Variants in ACYP2 observed in about 807,000 individuals in gnomAD.
ACYP2 encodes the protein acylphosphatase 2, also known as acylphosphatase-2.
In ACYP2, 12 loss-of-function variants were observed where a neutral mutation model predicts 11.2. The observed-to-expected ratio is 1.08, with a 90% confidence interval of 0.69 to 1.74. The LOEUF is 1.74. Among genes scored for constraint, ACYP2 ranks in the 40% most tolerant of loss-of-function variants. The pLI is 0.00. For missense variants in ACYP2, 134 were observed against 101.9 expected (o/e 1.31, Z -1.35); for synonymous variants, 43 against 32.2 (o/e 1.33, Z -1.13).
chr2:53,982,872 G>GTGTA lies in ACYP2; in HGVS notation c.62+9064_62+9065insTATG, dbSNP rs1250430076. 1.8e-3 allele frequency among the ~76,000 whole-genome samples: 256 copies of GTGTA among 143,754 alleles called. 2 individuals carry two copies. Among genetic ancestry groups the GTGTA allele is most frequent in the African/African-American group, 4.9e-3 (193 of 39,008 alleles). The allele number at this position is 143,754 out of a possible 152,430, so 94.3% of individuals were successfully genotyped here. ...TGTGTGTGTGTGTGTGTGTGTGTGT[G>GTGTA]TGATATAAATAGGTTCAGGGAGAAC... On this transcript the variant is annotated intron_variant, in intron 2 of 6. Transcript: ENST00000607452.
chr2:54,252,263 T>C (rs927932093), intron 6 of ACYP2, among the ~76,000 whole-genome samples: 10 of 152,246 alleles, frequency 6.6e-5, no homozygotes, highest in African/African-American at 2.4e-4. Context: ...CTTAATAGTA[T>C]ACCATTGTGT....
intron 2 of ACYP2, among the ~76,000 whole-genome samples, chr2:53,980,560 TA>T (rs1236416225): frequency 6.6e-6 from 1 of 151,756 alleles, no homozygotes; most frequent in Non-Finnish European, 1.5e-5. Flanking sequence ...CTATAAAAAA[TA>T]AAAAAATAAA....
At chr2:54,236,096 T>C (rs1188123263) in intron 6 of ACYP2, among the ~76,000 whole-genome samples, 1 of 151,438 alleles carries the variant, frequency 6.6e-6, no homozygotes, top group Non-Finnish European at 1.5e-5. Context: ...TTCTGGAATT[T>C]TTTTTGTTTG....
intron 6 of ACYP2, among the ~76,000 whole-genome samples, chr2:54,231,774 G>A (rs1026131967): frequency 6.6e-6 from 1 of 152,208 alleles, no homozygotes; most frequent in African/African-American, 2.4e-5. Flanking sequence ...TGCTTTTGAT[G>A]TAAGAGTCCA....
intron 4 of ACYP2, among the ~76,000 whole-genome samples, chr2:54,107,801 A>T (rs985554479): frequency 9.9e-5 from 15 of 152,228 alleles, no homozygotes; most frequent in African/African-American, 3.6e-4. Context: ...GAGATCAGAT[A>T]GAGATCCACT....
intron 6 of ACYP2, among the ~76,000 whole-genome samples, chr2:54,185,003 G>T (rs989533457): frequency 2.0e-5 from 3 of 151,880 alleles, no homozygotes. Flanking sequence ...CCACCACCAC[G>T]CCTGGCTTAT....
chr2:54,091,781 G>A (rs1204234722), intron 4 of ACYP2, among the ~76,000 whole-genome samples: 1 of 152,008 alleles, frequency 6.6e-6, no homozygotes, highest in African/African-American at 2.4e-5. Flanking sequence ...CAAAGTGCGG[G>A]GATTACAAGC....
intron 4 of ACYP2, among the ~76,000 whole-genome samples, chr2:54,060,291 T>C (rs943543927): frequency 2.6e-5 from 4 of 152,160 alleles, no homozygotes; most frequent in Admixed American, 6.5e-5. Flanking sequence ...TGAGTTTACT[T>C]TCTAGATTCG....
intron 6 of ACYP2, chr2:54,141,798 CAT>C (rs1681617897): frequency 2.1e-6 from 1 of 467,066 alleles, no homozygotes; most frequent in Admixed American, 3.3e-5. Flanking sequence ...AGAAAACTTA[CAT>C]GATTGTGTCA....
intron 4 of ACYP2, among the ~76,000 whole-genome samples, chr2:54,126,119 T>G (rs901860007): frequency 7.9e-5 from 12 of 152,056 alleles, no homozygotes; most frequent in Non-Finnish European, 1.5e-4. Context: ...GGAGATTTAT[T>G]TGAGAAACAT....
chr2:54,046,943 C>T (rs924586904), intron 2 of ACYP2, among the ~76,000 whole-genome samples: 2 of 152,140 alleles, frequency 1.3e-5, no homozygotes, highest in African/African-American at 2.4e-5. Flanking sequence ...CTTATTTAAC[C>T]TCTTTTCATC....
chr2:54,189,369 T>C (rs1684141123), intron 6 of ACYP2, among the ~76,000 whole-genome samples: 2 of 152,166 alleles, frequency 1.3e-5, no homozygotes, highest in Admixed American at 1.3e-4. Context: ...TCTCTAACTT[T>C]GTATATTTGA....
intron 6 of ACYP2, among the ~76,000 whole-genome samples, chr2:54,263,815 CA>C (rs1687889840): frequency 6.6e-6 from 1 of 152,162 alleles, no homozygotes; most frequent in South Asian, 2.1e-4. Flanking sequence ...ATTATTTTAA[CA>C]TACACCATAT....
intron 6 of ACYP2, chr2:54,255,983 C>T (rs1309150915): frequency 6.2e-7 from 1 of 1,614,194 alleles, no homozygotes; most frequent in Non-Finnish European, 8.5e-7. Flanking sequence ...GCGACCCCCT[C>T]CTCTGGAAGC....
chr2:54,286,408 C>G (rs1253415332), intron 6 of ACYP2, among the ~76,000 whole-genome samples: 1 of 151,980 alleles, frequency 6.6e-6, no homozygotes, highest in East Asian at 1.9e-4. Flanking sequence ...ACCAGAAAGT[C>G]TAAAAAATGT....
chr2:54,234,617 C>G (rs1350279985), intron 6 of ACYP2, among the ~76,000 whole-genome samples: 1 of 152,196 alleles, frequency 6.6e-6, no homozygotes, highest in Non-Finnish European at 1.5e-5. Context: ...ATTGAGATGT[C>G]TGTGGTGTTG....
At chr2:54,174,141 A>G (rs1358017607) in intron 6 of ACYP2, among the ~76,000 whole-genome samples, 1 of 152,168 alleles carries the variant, frequency 6.6e-6, no homozygotes, top group African/African-American at 2.4e-5. Context: ...TATTTTCACA[A>G]TATTGATTCT....
intron 6 of ACYP2, among the ~76,000 whole-genome samples, chr2:54,170,558 T>TA (rs1277518867): frequency 7.8e-6 from 1 of 127,898 alleles, no homozygotes; most frequent in Non-Finnish European, 1.6e-5. Flanking sequence ...AAATTTTTCT[T>TA]AAAACAGTTT....
In ACYP2 at chr2:54,295,032, G is replaced by A. The variant is rs567427529; in HGVS notation, c.405-9656G>A. On this transcript the variant is annotated intron_variant, in intron 6 of 6. Coordinates refer to ENST00000607452, the MANE Select transcript of ACYP2 (RefSeq NM_001320586.2). Reference sequence around the variant, plus strand: ...GGGGTTTTATACTATATAGTTGAGTGTATACAGCTGTGCACTGGACTTGAC... The same window carrying A: ...GGGGTTTTATACTATATAGTTGAGTATATACAGCTGTGCACTGGACTTGAC... 3.9e-5 allele frequency among the ~76,000 whole-genome samples: 6 copies of A among 152,304 alleles called. No individual in the cohort carries two copies. The East Asian group carries it at 1.2e-3, about 29-fold the overall frequency.
Sources: allele counts gnomAD v4.1 joint callset (sites outside exome capture counted in the v4.1 genomes callset), GRCh38; gene constraint gnomAD v4.1.1; transcripts MANE v1.5; gene names NCBI Gene and HGNC (gene_info 2026-07-23, HGNC 2026-07-21).